CENPP: variants seen among roughly 807,000 people sequenced by gnomAD.
The protein encoded by CENPP is centromere protein P.
A neutral mutation model predicts 35.6 loss-of-function variants in CENPP; 24 were observed. The ratio of observed to expected loss-of-function variants is 0.67; its 90% CI spans 0.49 to 0.95. The LOEUF is 0.95. CENPP is among the 40% of genes least tolerant of loss of function. The probability of loss-of-function intolerance (pLI) is 0.00; values close to 1 mark genes in which losing one functional copy is unlikely to be tolerated. For synonymous variants in CENPP, 120 were observed against 125.5 expected (o/e 0.96, Z 0.29); for missense variants, 332 against 345.3 (o/e 0.96, Z 0.31).
chr9:92,362,480 G>A (rs532423048), intron 4 of CENPP, among the ~76,000 whole-genome samples: 20 of 152,040 alleles, frequency 1.3e-4, no homozygotes, highest in Non-Finnish European at 2.9e-4. Flanking sequence ...TTGATGCTAT[G>A]CCTTCTTAGG....
At chr9:92,381,968 C>T (rs1842258611) in intron 5 of CENPP, among the ~76,000 whole-genome samples, 1 of 149,614 alleles carries the variant, frequency 6.7e-6, no homozygotes, top group Non-Finnish European at 1.5e-5. Flanking sequence ...TTTTGATTTA[C>T]ATCCTCCTAA....
intron 5 of CENPP, among the ~76,000 whole-genome samples, chr9:92,561,905 T>TG (rs1277943424): frequency 6.6e-6 from 1 of 152,206 alleles, no homozygotes; most frequent in Non-Finnish European, 1.5e-5. Flanking sequence ...CCCAATGATG[T>TG]GTGCTATTAT....
At chr9:92,339,472 A>C (rs1323131788) in intron 3 of CENPP, among the ~76,000 whole-genome samples, 1 of 151,920 alleles carries the variant, frequency 6.6e-6, no homozygotes, top group African/African-American at 2.4e-5. Context: ...AGGATGGGCT[A>C]GGGGTTGTCT....
At chr9:92,574,298 A>G (rs1283719140) in intron 5 of CENPP, among the ~76,000 whole-genome samples, 1 of 152,146 alleles carries the variant, frequency 6.6e-6, no homozygotes, top group Non-Finnish European at 1.5e-5. Context: ...TGTGATCTAT[A>G]TGTAAAAAAC....
chr9:92,453,001 T>G (rs1844759208), intron 5 of CENPP, among the ~76,000 whole-genome samples: 1 of 152,214 alleles, frequency 6.6e-6, no homozygotes, highest in Non-Finnish European at 1.5e-5. Flanking sequence ...TTCTTCTTTA[T>G]TAGTCTTGCT....
At chr9:92,573,730 G>T (rs1850208723) in intron 5 of CENPP, among the ~76,000 whole-genome samples, 1 of 152,202 alleles carries the variant, frequency 6.6e-6, no homozygotes, top group East Asian at 1.9e-4. Context: ...GGCCTACTGA[G>T]CTGCAGTGGG....
At chr9:92,399,108 T>G (rs1218337873) in intron 5 of CENPP, among the ~76,000 whole-genome samples, 5 of 152,092 alleles carry the variant, frequency 3.3e-5, no homozygotes, top group African/African-American at 4.8e-5. Flanking sequence ...GTAAATGCAT[T>G]TTTTATTTTG....
At chr9:92,492,653 G>A (rs1846205290) in intron 5 of CENPP, among the ~76,000 whole-genome samples, 1 of 152,136 alleles carries the variant, frequency 6.6e-6, no homozygotes, top group South Asian at 2.1e-4. Context: ...CTCCGGTTGA[G>A]CATCAGCCGC....
At chr9:92,423,452 T>C (rs541603914) in intron 5 of CENPP, among the ~76,000 whole-genome samples, 84 of 152,274 alleles carry the variant, frequency 5.5e-4, no homozygotes, top group Admixed American at 1.0e-3. Context: ...CATTTTATTA[T>C]GTTAAAGACA....
chr9:92,372,041 TAAAAAAAAA>T (rs1167832452), intron 4 of CENPP, among the ~76,000 whole-genome samples: 1 of 52,244 alleles, frequency 1.9e-5, no homozygotes, highest in East Asian at 6.4e-4. Context: ...AGACTCCATC[TAAAAAAAAA>T]AAAAAAAAAA....
chr9:92,337,942 G>A (rs1050593557), intron 3 of CENPP, among the ~76,000 whole-genome samples: 4 of 152,204 alleles, frequency 2.6e-5, no homozygotes, highest in African/African-American at 9.7e-5. Flanking sequence ...GTAGTTAGGT[G>A]ATATGCCAGC....
At chr9:92,541,564 G>A (rs1849321780) in intron 5 of CENPP, among the ~76,000 whole-genome samples, 1 of 151,388 alleles carries the variant, frequency 6.6e-6, no homozygotes, top group Non-Finnish European at 1.5e-5. Context: ...CCATATATAA[G>A]TGAGATCATG....
At chr9:92,469,741 T>C (rs1479477802) in intron 5 of CENPP, among the ~76,000 whole-genome samples, 1 of 151,860 alleles carries the variant, frequency 6.6e-6, no homozygotes, top group Admixed American at 6.6e-5. Flanking sequence ...CATGCCAGAG[T>C]CAGCGAGGCA....
intron 5 of CENPP, among the ~76,000 whole-genome samples, chr9:92,514,124 CTT>C (rs34816093): frequency 1.2e-3 from 166 of 136,218 alleles, no homozygotes; most frequent in Middle Eastern, 3.8e-3. Flanking sequence ...GAATCGTTCA[CTT>C]TTTTTTTTTT....
At position 92,379,808 on chromosome 9, in the gene CENPP, T is replaced by G; in HGVS notation, c.513T>G (p.His171Gln). 1 of 1,612,942 alleles carries G rather than the reference T, an allele frequency of 6.2e-7. No homozygotes were observed. Among genetic ancestry groups the G allele is most frequent in the Non-Finnish European group, 8.5e-7 (1 of 1,179,034 alleles). The change falls in exon 5 of 8, where the codon CAT becomes CAG. Residue 171 changes from histidine (H) to glutamine (Q), a missense_variant. His to Gln is a conservative substitution (Grantham distance 24, BLOSUM62 0). Transcript: ENST00000375587. ...KDLFMFFRSL[H>Q]FFVEWFEYRK... The stretch of plus-strand genomic sequence containing the variant: ...TGTTCATGTTTTTCCGAAGCCTGCA[T>G]TTTTTTGTGGAGTGGTTTGAATATC...
At chr9:92,420,993 G>T (rs1489954278) in intron 5 of CENPP, among the ~76,000 whole-genome samples, 2 of 152,118 alleles carry the variant, frequency 1.3e-5, no homozygotes, top group South Asian at 2.1e-4. Context: ...AATGTGGTTG[G>T]TTAACTCTTG....
intron 5 of CENPP, among the ~76,000 whole-genome samples, chr9:92,538,554 C>T (rs1262851226): frequency 6.6e-6 from 1 of 152,094 alleles, no homozygotes; most frequent in African/African-American, 2.4e-5. Flanking sequence ...CCAGTAATTA[C>T]CACGATGAGA....
At chr9:92,549,284 C>T (rs541760804) in intron 5 of CENPP, among the ~76,000 whole-genome samples, 1 of 152,290 alleles carries the variant, frequency 6.6e-6, no homozygotes, top group South Asian at 2.1e-4. Context: ...CACACTTTCT[C>T]ATAACCAAAA....
chr9:92,332,071 G>A (rs897511531), intron 1 of CENPP, 99 bp from the exon 2 acceptor site: 1 of 656,694 alleles, frequency 1.5e-6, no homozygotes, highest in Non-Finnish European at 2.4e-6. Flanking sequence ...TTGGAAGAGA[G>A]TAAGAGGGAC....
Sources: allele counts gnomAD v4.1 joint callset (sites outside exome capture counted in the v4.1 genomes callset), GRCh38; gene constraint gnomAD v4.1.1; transcripts MANE v1.5; gene names NCBI Gene and HGNC (gene_info 2026-07-23, HGNC 2026-07-21).